KMT2E: variants seen among roughly 807,000 people sequenced by gnomAD.
KMT2E encodes lysine methyltransferase 2E (inactive), also known as histone reader KMT2E.
A neutral mutation model predicts 184.6 loss-of-function variants in KMT2E; 30 were observed. The observed-to-expected ratio is 0.16, with a 90% CI of 0.12 to 0.22. KMT2E has a LOEUF of 0.22. Among genes scored for constraint, KMT2E ranks in the 10% least tolerant of loss-of-function variants. The probability of loss-of-function intolerance (pLI) is 1.00; values close to 1 mark genes in which losing one functional copy is unlikely to be tolerated. For synonymous variants in KMT2E, 815 were observed against 776.5 expected (o/e 1.05, Z -0.82); for missense variants, 2,023 against 2,237.4 (o/e 0.90, Z 1.93).
chr7:105,097,082 CTG>C (rs1798440777), intron 15 of KMT2E, among the ~76,000 whole-genome samples: 3 of 152,210 alleles, frequency 2.0e-5, no homozygotes, highest in South Asian at 4.1e-4. Context: ...GGAACAGACT[CTG>C]TGGGAAAACA....
chr7:105,035,373 T>C (rs1795603314), intron 1 of KMT2E, among the ~76,000 whole-genome samples: 1 of 151,438 alleles, frequency 6.6e-6, no homozygotes. Flanking sequence ...TTCATCATCT[T>C]GGCCAGACTG....
chr7:105,017,709 A>G (rs1181011485), intron 1 of KMT2E, among the ~76,000 whole-genome samples: 7 of 152,226 alleles, frequency 4.6e-5, no homozygotes, highest in South Asian at 4.1e-4. Context: ...AGTTTGAAGG[A>G]TTAGTTGTTT....
intron 3 of KMT2E, among the ~76,000 whole-genome samples, chr7:105,045,642 G>A (rs891547983): frequency 2.6e-5 from 4 of 152,144 alleles, no homozygotes; most frequent in African/African-American, 9.7e-5. Flanking sequence ...TTTTATGGCT[G>A]AATAATAGTC....
chr7:105,108,423 C>T, intron 22 of KMT2E: 1 of 325,770 alleles, frequency 3.1e-6, no homozygotes, highest in South Asian at 2.7e-5. Context: ...GGTTGGCAGA[C>T]ATACTGAGAT....
At chr7:105,075,911 T>C in intron 8 of KMT2E, 132 bp from the exon 9 acceptor site, 1 of 667,574 alleles carries the variant, frequency 1.5e-6, no homozygotes, top group Non-Finnish European at 2.7e-6. Flanking sequence ...ATTCTCCTAG[T>C]GTCAGCTTTC....
chr7:105,077,570 A>G (rs1797583812), intron 11 of KMT2E, 137 bp downstream of exon 11: 2 of 641,868 alleles, frequency 3.1e-6, no homozygotes, highest in Non-Finnish European at 2.7e-6. Context: ...AGTGTGGTTG[A>G]ACAGTGACTG....
chr7:105,101,925 G>A lies in KMT2E; in HGVS notation c.1927G>A (p.Ala643Thr). The A allele has an allele frequency of 6.2e-7, 1 of 1,611,944 alleles. No homozygotes were observed. Reference protein sequence around the residue: ...KEENASKPTPAKVNRTKQRKS... With the variant: ...KEENASKPTPTKVNRTKQRKS... ...AGAAAATGCTAGCAAGCCAACCCCT[G>A]CCAAAGTAAATAGAACTAAACAGAG... Residue 643 changes from alanine (A) to threonine (T), a missense_variant, in exon 17 of 27, where the codon GCC (alanine) becomes ACC (threonine). By Grantham distance (58) the Ala-to-Thr change is moderately conservative. Around this residue, in one of 8 missense-constraint regions of KMT2E, gnomAD observed 514 missense variants for 621.8 expected, o/e 0.83. Coordinates refer to ENST00000311117, the MANE Select transcript of KMT2E (RefSeq NM_182931.3).
At chr7:105,086,838 C>G (rs1054629638) in intron 13 of KMT2E, among the ~76,000 whole-genome samples, 3 of 145,036 alleles carry the variant, frequency 2.1e-5, no homozygotes, top group African/African-American at 7.6e-5. Flanking sequence ...TCCACATGAG[C>G]TAGCATATAT....
At chr7:105,075,994 T>C in intron 8 of KMT2E, 49 bp from the exon 9 acceptor site, 1 of 1,385,730 alleles carries the variant, frequency 7.2e-7, no homozygotes, top group East Asian at 2.3e-5. Flanking sequence ...TAAATATTAA[T>C]TATGTCCAGT....
intron 22 of KMT2E, chr7:105,108,554 G>C (rs1456964899): frequency 6.6e-6 from 3 of 456,430 alleles, no homozygotes; most frequent in South Asian, 4.7e-5. Flanking sequence ...AGTCCAGTTG[G>C]CAACTTTGTG....
chr7:105,054,496 CTATCTATCTATCT>C (rs1796491065), intron 3 of KMT2E, among the ~76,000 whole-genome samples: 1 of 150,898 alleles, frequency 6.6e-6, no homozygotes, highest in Non-Finnish European at 1.5e-5. Flanking sequence ...ATCTATCTAT[CTATCTATCTATCT>C]ATCTATCTGT....
intron 15 of KMT2E, chr7:105,091,688 T>TA (rs1408973319): frequency 3.2e-6 from 1 of 314,536 alleles, no homozygotes; most frequent in African/African-American, 2.2e-5. Context: ...ATTTAAACCT[T>TA]ACTATAGCAC....
intron 1 of KMT2E, among the ~76,000 whole-genome samples, chr7:105,018,398 A>T (rs1032611826): frequency 3.9e-5 from 6 of 152,192 alleles, no homozygotes; most frequent in African/African-American, 1.4e-4. Context: ...TTTTATCTCC[A>T]AAGGATTTGT....
At chr7:105,066,344 T>C (rs2129567440) in intron 5 of KMT2E, among the ~76,000 whole-genome samples, 1 of 152,290 alleles carries the variant, frequency 6.6e-6, no homozygotes, top group East Asian at 1.9e-4. Context: ...TTGATAAATG[T>C]TGCTACACTG....
chr7:105,025,564 T>C (rs1795143679), intron 1 of KMT2E, among the ~76,000 whole-genome samples: 1 of 152,184 alleles, frequency 6.6e-6, no homozygotes, highest in Non-Finnish European at 1.5e-5. Context: ...AATTCTTCTT[T>C]TAAAAATACT....
intron 23 of KMT2E, among the ~76,000 whole-genome samples, 156 bp downstream of exon 23, chr7:105,109,384 T>C (rs1021003621): frequency 6.6e-6 from 1 of 152,264 alleles, no homozygotes; most frequent in Non-Finnish European, 1.5e-5. Flanking sequence ...CAGCTGTGTA[T>C]GGCCTGTGTT....
intron 11 of KMT2E, chr7:105,077,724 A>G (rs1797590428): frequency 3.7e-6 from 1 of 267,138 alleles, no homozygotes; most frequent in Non-Finnish European, 7.1e-6. Context: ...GGTTGGATAT[A>G]GAAGGATATC....
intron 1 of KMT2E, among the ~76,000 whole-genome samples, chr7:105,018,526 A>G (rs1274153116): frequency 1.5e-4 from 23 of 152,224 alleles, no homozygotes; most frequent in African/African-American, 5.5e-4. Flanking sequence ...ATGTGTTAGA[A>G]TAAATGTTAA....
intron 1 of KMT2E, among the ~76,000 whole-genome samples, chr7:105,027,636 A>G (rs1314971908): frequency 1.3e-5 from 2 of 151,016 alleles, no homozygotes; most frequent in African/African-American, 2.4e-5. Flanking sequence ...TTAAGCTTCA[A>G]CTCTCTAGTT....
Sources: allele counts gnomAD v4.1 joint callset (sites outside exome capture counted in the v4.1 genomes callset), GRCh38; gene constraint gnomAD v4.1.1; regional missense constraint gnomAD v4.1.1; transcripts MANE v1.5; gene names NCBI Gene and HGNC (gene_info 2026-07-23, HGNC 2026-07-21).